Variants in BICC1 observed in about 807,000 individuals in gnomAD.
The protein encoded by BICC1 is BicC family RNA binding protein 1.
Under a neutral mutation model 111.0 loss-of-function variants are expected in BICC1, and 43 were observed. The ratio of observed to expected loss-of-function variants is 0.39; its 90% CI spans 0.30 to 0.50. BICC1 has a LOEUF of 0.50. Among genes scored for constraint, BICC1 ranks in the 20% least tolerant of loss-of-function variants. The pLI, the probability that BICC1 is intolerant of heterozygous loss-of-function variation, is 0.88. For synonymous variants in BICC1, 467 were observed against 434.4 expected, an observed-to-expected ratio of 1.07 and a Z score of -0.93; for missense variants, 1,091 against 1,203.2, an observed-to-expected ratio of 0.91 and a Z score of 1.38.
chr10:58,769,104 AGAGAG>A (rs1038051868), intron 3 of BICC1, among the ~76,000 whole-genome samples: 34 of 149,384 alleles, frequency 2.3e-4, no homozygotes, highest in African/African-American at 7.0e-4. Flanking sequence ...TCATAGAAAC[AGAGAG>A]TAGAATTGTA....
intron 2 of BICC1, among the ~76,000 whole-genome samples, chr10:58,621,773 C>G (rs1845815395): frequency 6.6e-6 from 1 of 151,868 alleles, no homozygotes; most frequent in Non-Finnish European, 1.5e-5. Context: ...TCGCAGATGC[C>G]TGTAATCCCA....
intron 1 of BICC1, among the ~76,000 whole-genome samples, chr10:58,517,410 T>G (rs1242939930): frequency 1.3e-5 from 2 of 152,218 alleles, no homozygotes; most frequent in African/African-American, 2.4e-5. Context: ...CTATGTTATC[T>G]CTTTAATTCA....
intron 1 of BICC1, among the ~76,000 whole-genome samples, chr10:58,583,421 C>T (rs761321204): frequency 5.9e-5 from 9 of 151,540 alleles, no homozygotes; most frequent in East Asian, 1.9e-4. Context: ...TGTGCCTTTG[C>T]GTCCTCATAG....
chr10:58,756,056 T>G (rs1842134850), intron 3 of BICC1, among the ~76,000 whole-genome samples: 1 of 152,216 alleles, frequency 6.6e-6, no homozygotes, highest in Non-Finnish European at 1.5e-5. Context: ...CTTCTTATCC[T>G]GGGAACCTCA....
intron 1 of BICC1, among the ~76,000 whole-genome samples, chr10:58,612,785 A>G (rs1845474645): frequency 6.6e-6 from 1 of 152,240 alleles, no homozygotes; most frequent in Non-Finnish European, 1.5e-5. Flanking sequence ...TATGAAGAAC[A>G]TAGTCCTTGT....
intron 1 of BICC1, among the ~76,000 whole-genome samples, chr10:58,545,430 A>C (rs1350894733): frequency 2.0e-5 from 3 of 152,194 alleles, no homozygotes; most frequent in African/African-American, 4.8e-5. Flanking sequence ...CCTACTTTAC[A>C]TAAATAATAA....
intron 1 of BICC1, among the ~76,000 whole-genome samples, chr10:58,586,675 T>C (rs1318264332): frequency 6.6e-6 from 1 of 150,790 alleles, no homozygotes; most frequent in African/African-American, 2.4e-5. Context: ...CACATATACA[T>C]ACCCACACAC....
At chr10:58,579,532 C>A (rs555103996) in intron 1 of BICC1, among the ~76,000 whole-genome samples, 1 of 152,134 alleles carries the variant, frequency 6.6e-6, no homozygotes, top group Non-Finnish European at 1.5e-5. Flanking sequence ...TCGGTTTTTC[C>A]TAGCCTCACT....
rs145675770 is a variant in BICC1 at position 58,764,035 on chromosome 10, AAGGTAC to A, written c.308-20951_308-20946del. The stretch of plus-strand genomic sequence containing the variant: ...TTTAGTGGTGTTTGGGGGCCCTCAG[AAGGTAC>A]AGGTACAGGTACAGTAACACATACT... On this transcript the variant is annotated intron_variant, in intron 3 of 20. Transcript: ENST00000373886. Among the ~76,000 whole-genome samples the A allele has an allele frequency of 9.7e-4, 147 of 152,274 alleles. 1 individual carries two copies. In the East Asian group the frequency reaches 0.024, roughly 25 times the overall value.
chr10:58,658,717 A>C (rs950878958), intron 2 of BICC1, among the ~76,000 whole-genome samples: 1 of 152,062 alleles, frequency 6.6e-6, no homozygotes, highest in African/African-American at 2.4e-5. Context: ...AATTGTTCCA[A>C]ATTTGGCCAG....
intron 1 of BICC1, among the ~76,000 whole-genome samples, chr10:58,574,732 T>A (rs1349250347): frequency 6.6e-6 from 1 of 152,140 alleles, no homozygotes; most frequent in Admixed American, 6.5e-5. Context: ...AAAAATAACA[T>A]AAAACTTACT....
At chr10:58,635,857 C>G (rs148117952) in intron 2 of BICC1, among the ~76,000 whole-genome samples, 4 of 152,122 alleles carry the variant, frequency 2.6e-5, no homozygotes, top group Admixed American at 6.5e-5. Flanking sequence ...CTCTGGCCCT[C>G]TCCATTAGTT....
At chr10:58,748,888 C>T (rs562347423) in intron 3 of BICC1, among the ~76,000 whole-genome samples, 2 of 152,246 alleles carry the variant, frequency 1.3e-5, no homozygotes, top group Non-Finnish European at 2.9e-5. Flanking sequence ...GATTGCACTC[C>T]ATCATTGTGG....
chr10:58,795,655 T>G (rs570217950), intron 9 of BICC1, among the ~76,000 whole-genome samples: 4 of 152,290 alleles, frequency 2.6e-5, no homozygotes, highest in African/African-American at 7.2e-5. Flanking sequence ...CCACAATTTT[T>G]TTTTTTTTTG....
intron 1 of BICC1, among the ~76,000 whole-genome samples, chr10:58,569,210 C>T (rs148960640): frequency 6.6e-6 from 1 of 152,222 alleles, no homozygotes; most frequent in African/African-American, 2.4e-5. Flanking sequence ...GCAGTCTTTA[C>T]ATCTAATAAT....
intron 2 of BICC1, among the ~76,000 whole-genome samples, chr10:58,690,707 T>G (rs1341734030): frequency 3.3e-5 from 5 of 152,202 alleles, no homozygotes; most frequent in African/African-American, 4.8e-5. Flanking sequence ...CCATTATAGA[T>G]CTCAGTTATT....
chr10:58,536,230 A>T (rs1320911679), intron 1 of BICC1, among the ~76,000 whole-genome samples: 1 of 151,730 alleles, frequency 6.6e-6, no homozygotes, highest in Non-Finnish European at 1.5e-5. Flanking sequence ...AGAGATATTT[A>T]CAGAACATTC....
At chr10:58,581,917 T>G (rs544753311) in intron 1 of BICC1, among the ~76,000 whole-genome samples, 4 of 152,140 alleles carry the variant, frequency 2.6e-5, no homozygotes, top group Non-Finnish European at 5.9e-5. Context: ...TCCTCCCCCA[T>G]GTTACGATAA....
At chr10:58,624,046 C>G (rs1029649084) in intron 2 of BICC1, among the ~76,000 whole-genome samples, 9 of 152,180 alleles carry the variant, frequency 5.9e-5, no homozygotes, top group African/African-American at 1.9e-4. Flanking sequence ...ATACCACAAA[C>G]TGGGTGGCTT....
Sources: gnomAD v4.1 joint callset for allele counts (sites outside exome capture counted in the v4.1 genomes callset) on GRCh38, gnomAD v4.1.1 for gene constraint, MANE v1.5 for transcripts, NCBI Gene and HGNC (gene_info 2026-07-23, HGNC 2026-07-21) for gene names.